ZC3H6: variants seen among roughly 807,000 people sequenced by gnomAD.
The protein encoded by ZC3H6 is zinc finger CCCH-type containing 6, also known as zinc finger CCCH domain-containing protein 6.
A neutral mutation model predicts 107.7 loss-of-function variants in ZC3H6; 40 were observed. That is an observed-to-expected ratio of 0.37 (90% CI 0.29 to 0.48). The LOEUF is 0.48. ZC3H6 is among the 20% of genes least tolerant of loss of function. ZC3H6 has a pLI of 0.98. For synonymous variants in ZC3H6, 493 were observed against 487.9 expected, an observed-to-expected ratio of 1.01 and a Z score of -0.14; for missense variants, 1,267 against 1,410.4, an observed-to-expected ratio of 0.90 and a Z score of 1.63.
rs149888986 is a variant in ZC3H6 at position 112,320,002 on chromosome 2, C to T, written c.977-1754C>T. ...GGCTGGAGTCCAATGGCGCGTTCTC[C>T]GCTCACTGCAACCTCTGCCTCCCGG... On this transcript the variant is annotated intron_variant, in intron 7 of 11. Coordinates refer to ENST00000409871, the MANE Select transcript of ZC3H6 (RefSeq NM_198581.3). 1.6e-3 allele frequency among the ~76,000 whole-genome samples: 241 copies of T among 152,142 alleles called. 1 individual carries two copies. Among genetic ancestry groups the T allele is most frequent in the African/African-American group, 5.4e-3 (226 of 41,518 alleles).
chr2:112,291,294 C>G (rs1425618514), intron 1 of ZC3H6, among the ~76,000 whole-genome samples: 3 of 152,138 alleles, frequency 2.0e-5, no homozygotes, highest in Non-Finnish European at 4.4e-5. Flanking sequence ...AGTGCAGTGG[C>G]ACGATCTCAG....
At chr2:112,281,925 G>A (rs1389064251) in intron 1 of ZC3H6, among the ~76,000 whole-genome samples, 1 of 152,030 alleles carries the variant, frequency 6.6e-6, no homozygotes, top group Admixed American at 6.5e-5. Flanking sequence ...ATATTTTAAG[G>A]TTTGAATGAA....
At chr2:112,294,149 A>T (rs987459948) in intron 1 of ZC3H6, among the ~76,000 whole-genome samples, 5 of 152,168 alleles carry the variant, frequency 3.3e-5, no homozygotes, top group Non-Finnish European at 7.4e-5. Context: ...ATTCTGAAGG[A>T]ACACAGAGCA....
At chr2:112,285,844 C>T (rs2104694343) in intron 1 of ZC3H6, among the ~76,000 whole-genome samples, 1 of 152,068 alleles carries the variant, frequency 6.6e-6, no homozygotes. Flanking sequence ...GCCTGTAATC[C>T]CAGCTACTTG....
chr2:112,328,241 C>G (rs901610966), intron 11 of ZC3H6, among the ~76,000 whole-genome samples: 4 of 152,064 alleles, frequency 2.6e-5, no homozygotes, highest in African/African-American at 9.7e-5. Flanking sequence ...TACTATAGCT[C>G]TCTAGTATAA....
intron 9 of ZC3H6, among the ~76,000 whole-genome samples, chr2:112,323,469 C>A (rs1416006758): frequency 6.6e-6 from 1 of 152,148 alleles, no homozygotes; most frequent in Non-Finnish European, 1.5e-5. Flanking sequence ...TATCACAATT[C>A]ATTTGAACCA....
rs1425264665 is a variant in ZC3H6, at chr2:112,336,184, G to C, written c.*3696G>C. 2.0e-5 allele frequency: 3 copies of C among 152,146 alleles called. No individual in the cohort carries two copies. The highest frequency in any genetic ancestry group is 4.4e-5 in the Non-Finnish European group (3 of 68,030). The allele number at this position is 152,146 out of a possible 1,614,324, so 9.4% of individuals were successfully genotyped here. On this transcript the variant is annotated 3_prime_UTR_variant, in exon 12 of 12. Coordinates refer to ENST00000409871, the MANE Select transcript of ZC3H6 (RefSeq NM_198581.3). ...GAAGTTAGGAAGCTCCTAGGGACCA[G>C]GATATGAGATCTTAAAGAGGCTGTC...
At position 112,334,531 on chromosome 2, in the gene ZC3H6, A is replaced by G. The variant is rs1677105151; in HGVS notation, c.*2043A>G. The G allele has an allele frequency of 6.6e-6, 1 of 152,174 alleles. No individual in the cohort carries two copies. Among genetic ancestry groups the G allele is most frequent in the African/African-American group, 2.4e-5 (1 of 41,452 alleles). 9.4% of individuals were successfully genotyped at this position (152,174 alleles called of 1,614,324 possible). On this transcript the variant is annotated 3_prime_UTR_variant, in exon 12 of 12. Transcript: ENST00000409871. ...TAAAGAGTCAGGTTTAAAAGTTATT[A>G]ATGCAAATTATGTAATGTTCATTTA... is the stretch of plus-strand genomic sequence containing the variant.
In ZC3H6 at chr2:112,337,432, C is replaced by G. The variant is rs1677152214; in HGVS notation, c.*4944C>G. On this transcript the variant is annotated 3_prime_UTR_variant, in exon 12 of 12. Transcript: ENST00000409871. ...CTGCCTCCCAGGTTCAAGTGATTCTCCTGCCTCAGACTCCCAAGTAGCTGG... is the reference window on the plus strand; with the variant it reads ...CTGCCTCCCAGGTTCAAGTGATTCTGCTGCCTCAGACTCCCAAGTAGCTGG... 6.6e-6 allele frequency: 1 copy of G among 152,042 alleles called. No homozygotes were observed. The highest frequency in any genetic ancestry group is 6.6e-5 in the Admixed American group (1 of 15,226). The allele number at this position is 152,042 out of a possible 1,614,324, so 9.4% of individuals were successfully genotyped here.
intron 11 of ZC3H6, among the ~76,000 whole-genome samples, chr2:112,330,399 C>T (rs1338634088): frequency 2.0e-5 from 3 of 152,144 alleles, no homozygotes; most frequent in Non-Finnish European, 4.4e-5. Flanking sequence ...AATATAGTCA[C>T]ACAGGTCAAA....
At chr2:112,312,155 T>C (rs1191419765) in intron 5 of ZC3H6, 2 of 456,116 alleles carry the variant, frequency 4.4e-6, no homozygotes, top group African/African-American at 4.0e-5. Flanking sequence ...TTGTTATGTT[T>C]GAAAGAACCT....
intron 1 of ZC3H6, among the ~76,000 whole-genome samples, chr2:112,282,763 T>C (rs2104692242): frequency 6.6e-6 from 1 of 152,346 alleles, no homozygotes; most frequent in East Asian, 1.9e-4. Flanking sequence ...AGTTGCCTAC[T>C]GAACAAGATC....
intron 1 of ZC3H6, among the ~76,000 whole-genome samples, chr2:112,285,870 A>G (rs1247987327): frequency 6.6e-6 from 1 of 152,062 alleles, no homozygotes; most frequent in Non-Finnish European, 1.5e-5. Flanking sequence ...CTGAGGCAGG[A>G]GAACTGCTTG....
chr2:112,303,398 T>TG, intron 3 of ZC3H6, 47 bp downstream of exon 3: 3 of 1,473,236 alleles, frequency 2.0e-6, no homozygotes, highest in Non-Finnish European at 2.8e-6. Context: ...TAGCATAAAA[T>TG]GTACCATTTT....
At chr2:112,322,150 TCCTCCCTC>T (rs969447935) in intron 8 of ZC3H6, among the ~76,000 whole-genome samples, 1 of 143,786 alleles carries the variant, frequency 7.0e-6, no homozygotes, top group Non-Finnish European at 1.5e-5. Flanking sequence ...CCTCCTTCCT[TCCTCCCTC>T]CCTCCCTCTT....
At chr2:112,290,700 A>G (rs1021716036) in intron 1 of ZC3H6, among the ~76,000 whole-genome samples, 2 of 151,750 alleles carry the variant, frequency 1.3e-5, no homozygotes, top group South Asian at 2.1e-4. Context: ...ACATACATAT[A>G]GTTTTTAAGA....
intron 1 of ZC3H6, among the ~76,000 whole-genome samples, chr2:112,295,636 A>G (rs1676217736): frequency 6.6e-6 from 1 of 152,184 alleles, no homozygotes; most frequent in African/African-American, 2.4e-5. Flanking sequence ...GAAGCAGTTC[A>G]TAGTGTGAAT....
At chr2:112,316,999 G>A (rs4622729) in intron 6 of ZC3H6, among the ~76,000 whole-genome samples, 77,488 of 151,942 alleles carry the variant, frequency 0.51, 21,941 homozygotes, top group East Asian at 0.77. Context: ...ATCCTGTGAG[G>A]TCTTGCTCAC....
rs187239389 is a variant in ZC3H6, at chr2:112,329,775, C to T, written c.2087-1230C>T. ...ATGCATATACAGTATATCTATACAT[C>T]TGTATTCCATGTTCTGACTCTTACG... On this transcript the variant is annotated intron_variant, in intron 11 of 11. Transcript: ENST00000409871. Among the ~76,000 whole-genome samples the T allele has an allele frequency of 7.9e-5, 12 of 152,260 alleles. No homozygotes were observed. In the East Asian group the frequency reaches 2.1e-3, roughly 27 times the overall value.
Sources: gnomAD v4.1 joint callset for allele counts (sites outside exome capture counted in the v4.1 genomes callset) on GRCh38, gnomAD v4.1.1 for gene constraint, MANE v1.5 for transcripts, NCBI Gene and HGNC (gene_info 2026-07-23, HGNC 2026-07-21) for gene names.